SGCZ: variants seen among roughly 807,000 people sequenced by gnomAD.
The protein encoded by SGCZ is zeta-sarcoglycan.
SGCZ carries 40 observed loss-of-function variants against 41.3 expected under a neutral mutation model. That is an observed-to-expected ratio of 0.97 (90% confidence interval 0.75 to 1.26). The LOEUF (loss-of-function observed/expected upper bound fraction) is 1.26, where lower values mean the gene tolerates loss of function less well. Ranked by LOEUF, SGCZ falls within the 50% of genes most tolerant of loss-of-function variation. The pLI, the probability that SGCZ is intolerant of heterozygous loss-of-function variation, is 0.00. For synonymous variants in SGCZ, 206 were observed against 137.5 expected (o/e 1.50, Z -3.49); for missense variants, 552 against 369.8 (o/e 1.49, Z -4.04).
chr8:14,633,448 C>A (rs971067762), intron 1 of SGCZ, among the ~76,000 whole-genome samples: 1 of 151,906 alleles, frequency 6.6e-6, no homozygotes, highest in Admixed American at 6.6e-5. Context: ...ATATAACAAG[C>A]ATGAAATAAG....
At chr8:14,899,043 C>CT (rs980680642) in intron 1 of SGCZ, among the ~76,000 whole-genome samples, 2 of 152,002 alleles carry the variant, frequency 1.3e-5, no homozygotes, top group African/African-American at 2.4e-5. Flanking sequence ...TAGAGTTTCA[C>CT]TTTTTTTTAA....
chr8:14,539,845 C>G (rs1260478976), intron 2 of SGCZ, among the ~76,000 whole-genome samples: 1 of 151,854 alleles, frequency 6.6e-6, no homozygotes, highest in Admixed American at 6.6e-5. Context: ...GCCTCCAGTT[C>G]CATACCAGCC....
intron 1 of SGCZ, among the ~76,000 whole-genome samples, chr8:15,038,335 T>C (rs530257054): frequency 1.6e-4 from 24 of 152,156 alleles, no homozygotes; most frequent in African/African-American, 5.8e-4. Context: ...TGACAAAGTT[T>C]GCAAGAACAC....
At chr8:14,266,858 G>C (rs1378056978) in intron 3 of SGCZ, among the ~76,000 whole-genome samples, 3 of 152,014 alleles carry the variant, frequency 2.0e-5, no homozygotes, top group African/African-American at 7.2e-5. Flanking sequence ...GAGAACACTG[G>C]AATCCAAGTC....
At chr8:15,079,436 C>T (rs1452985301) in intron 1 of SGCZ, among the ~76,000 whole-genome samples, 1 of 152,076 alleles carries the variant, frequency 6.6e-6, no homozygotes, top group Non-Finnish European at 1.5e-5. Flanking sequence ...CTGACTATTG[C>T]TATTGCTAAC....
chr8:14,523,855 C>G (rs1270846303), intron 2 of SGCZ, among the ~76,000 whole-genome samples: 11 of 152,042 alleles, frequency 7.2e-5, no homozygotes, highest in Non-Finnish European at 8.8e-5. Context: ...GCATGGGTCC[C>G]TAAACTTCTG....
At chr8:14,178,591 A>AT (rs1804625482) in intron 4 of SGCZ, among the ~76,000 whole-genome samples, 1 of 152,192 alleles carries the variant, frequency 6.6e-6, no homozygotes, top group South Asian at 2.1e-4. Context: ...ATTTGATACT[A>AT]TTGGTTAAGT....
chr8:14,979,423 T>C (rs1450106790), intron 1 of SGCZ, among the ~76,000 whole-genome samples: 1 of 152,148 alleles, frequency 6.6e-6, no homozygotes, highest in African/African-American at 2.4e-5. Context: ...AATTAAAGAA[T>C]CTACAAGGAT....
chr8:14,382,532 C>T (rs533129024), intron 2 of SGCZ, among the ~76,000 whole-genome samples: 31 of 152,220 alleles, frequency 2.0e-4, no homozygotes, highest in African/African-American at 7.5e-4. Context: ...CCCTAAAACT[C>T]CTAAGGCACA....
chr8:14,602,420 G>T (rs1449712108), intron 1 of SGCZ, among the ~76,000 whole-genome samples: 1 of 151,966 alleles, frequency 6.6e-6, no homozygotes, highest in African/African-American at 2.4e-5. Flanking sequence ...GCCGAGGTGG[G>T]AAGAATTACC....
intron 1 of SGCZ, among the ~76,000 whole-genome samples, chr8:14,948,421 T>G (rs1326914058): frequency 6.6e-6 from 1 of 152,076 alleles, no homozygotes; most frequent in Non-Finnish European, 1.5e-5. Context: ...TCTGTTTGAA[T>G]GGAAAACTAC....
At chr8:14,488,863 C>T (rs567205401) in intron 2 of SGCZ, among the ~76,000 whole-genome samples, 81 of 152,282 alleles carry the variant, frequency 5.3e-4, no homozygotes, top group Admixed American at 1.4e-3. Context: ...CCATCTCTTG[C>T]AATTTTTCTT....
intron 1 of SGCZ, among the ~76,000 whole-genome samples, chr8:15,142,931 G>A (rs927697188): frequency 1.3e-5 from 2 of 152,036 alleles, no homozygotes; most frequent in African/African-American, 4.8e-5. Flanking sequence ...TTTAAATGAC[G>A]CTTTCTATCT....
intron 1 of SGCZ, among the ~76,000 whole-genome samples, chr8:14,982,607 C>T (rs186861905): frequency 6.6e-6 from 1 of 152,252 alleles, no homozygotes; most frequent in East Asian, 1.9e-4. Flanking sequence ...TACTTCCTAC[C>T]CTATTTAACT....
At position 15,227,760 on chromosome 8, in the gene SGCZ, G is replaced by A. The variant is rs535307117; in HGVS notation, c.39+9825C>T. Among the ~76,000 whole-genome samples, 20 of 152,284 alleles carry A rather than the reference G, an allele frequency of 1.3e-4. No individual in the cohort carries two copies. The East Asian group carries it at 3.1e-3, about 24-fold the overall frequency. ...ATTGCACATGTTGCAAAACACTGAAGTACAACTCCACAACTCTGAATAGGC... is the reference window on the plus strand; with the variant it reads ...ATTGCACATGTTGCAAAACACTGAAATACAACTCCACAACTCTGAATAGGC... On this transcript the variant is annotated intron_variant, in intron 1 of 7. Coordinates refer to ENST00000382080, the MANE Select transcript of SGCZ (RefSeq NM_139167.4).
At chr8:14,677,785 T>C (rs1307390684) in intron 1 of SGCZ, among the ~76,000 whole-genome samples, 1 of 151,722 alleles carries the variant, frequency 6.6e-6, no homozygotes, top group Non-Finnish European at 1.5e-5. Flanking sequence ...AATAAATACA[T>C]AAATAAATAA....
At chr8:14,727,519 T>TA (rs1810094485) in intron 1 of SGCZ, among the ~76,000 whole-genome samples, 1 of 151,878 alleles carries the variant, frequency 6.6e-6, no homozygotes, top group African/African-American at 2.4e-5. Context: ...ATAATGCTTT[T>TA]TTTTTTTTTG....
chr8:15,068,863 T>A (rs1346793619), intron 1 of SGCZ, among the ~76,000 whole-genome samples: 2 of 152,204 alleles, frequency 1.3e-5, no homozygotes, highest in Admixed American at 6.5e-5. Context: ...ATTTGTTGAT[T>A]TATTTGAGTC....
intron 1 of SGCZ, among the ~76,000 whole-genome samples, chr8:15,071,855 G>T (rs1805361876): frequency 6.6e-6 from 1 of 152,154 alleles, no homozygotes; most frequent in Non-Finnish European, 1.5e-5. Context: ...CTGAAACAGA[G>T]GTGAGTTCGC....
Sources: gnomAD v4.1 joint callset for allele counts (sites outside exome capture counted in the v4.1 genomes callset) on GRCh38, gnomAD v4.1.1 for gene constraint, MANE v1.5 for transcripts, NCBI Gene and HGNC (gene_info 2026-07-23, HGNC 2026-07-21) for gene names.